Variants in SGCD observed in about 807,000 individuals in gnomAD.
SGCD encodes the protein delta-sarcoglycan.
Under a neutral mutation model 36.6 loss-of-function variants are expected in SGCD, and 18 were observed. The observed-to-expected ratio is 0.49, with a 90% CI of 0.34 to 0.73. The LOEUF is 0.73. SGCD is among the 30% of genes least tolerant of loss of function. The probability of loss-of-function intolerance (pLI) is 0.01; values close to 1 mark genes in which losing one functional copy is unlikely to be tolerated. For synonymous variants in SGCD, 133 were observed against 130.6 expected (o/e 1.02, Z -0.12); for missense variants, 387 against 346.7 (o/e 1.12, Z -0.92).
At chr5:155,870,977 G>T (rs1404549543) in intron 1 of SGCD, among the ~76,000 whole-genome samples, 1 of 152,062 alleles carries the variant, frequency 6.6e-6, no homozygotes, top group Non-Finnish European at 1.5e-5. Context: ...GGGTCGGAAA[G>T]TACATAAATA....
chr5:156,472,632 G>T (rs185611889), intron 3 of SGCD, among the ~76,000 whole-genome samples: 1 of 152,070 alleles, frequency 6.6e-6, no homozygotes, highest in African/African-American at 2.4e-5. Flanking sequence ...TGACCAGGCT[G>T]GTCTCGAACT....
intron 1 of SGCD, among the ~76,000 whole-genome samples, chr5:155,967,757 T>G (rs1206407839): frequency 1.3e-5 from 2 of 152,108 alleles, no homozygotes; most frequent in African/African-American, 2.4e-5. Flanking sequence ...ATGGACGATT[T>G]GCTTTCACTG....
At chr5:156,317,629 C>T (rs1767552598) in intron 3 of SGCD, among the ~76,000 whole-genome samples, 1 of 152,034 alleles carries the variant, frequency 6.6e-6, no homozygotes, top group Admixed American at 6.5e-5. Context: ...AAAATCTTTC[C>T]AAAACCCCAA....
the SGCD span, among the ~76,000 whole-genome samples, chr5:155,749,686 A>G: frequency 6.6e-6 from 1 of 152,250 alleles, no homozygotes; most frequent in East Asian, 1.9e-4. Context: ...AGATTCCTTC[A>G]TTCTTTAATC....
At chr5:156,262,977 A>G (rs571649596) in intron 3 of SGCD, among the ~76,000 whole-genome samples, 5 of 151,708 alleles carry the variant, frequency 3.3e-5, no homozygotes, top group Non-Finnish European at 7.4e-5. Context: ...ATACACTACA[A>G]TTTATTTATC....
At chr5:155,802,620 A>C in the SGCD span, among the ~76,000 whole-genome samples, 1 of 152,168 alleles carries the variant, frequency 6.6e-6, no homozygotes, top group Non-Finnish European at 1.5e-5. Flanking sequence ...GCGTATCTAT[A>C]ATTTTGGTGT....
At chr5:155,981,338 C>G (rs1167290864) in intron 1 of SGCD, among the ~76,000 whole-genome samples, 1 of 152,208 alleles carries the variant, frequency 6.6e-6, no homozygotes, top group African/African-American at 2.4e-5. Context: ...TCAAAATACC[C>G]CAGCAGGTGT....
chr5:156,638,237 G>C (rs924955102), intron 6 of SGCD, among the ~76,000 whole-genome samples: 1 of 151,864 alleles, frequency 6.6e-6, no homozygotes, highest in African/African-American at 2.4e-5. Flanking sequence ...AGGACACAGC[G>C]TATCATGGCT....
chr5:156,585,872 CTTTGTATTTTATCATAG>C (rs2113355726), intron 4 of SGCD, among the ~76,000 whole-genome samples: 2 of 152,196 alleles, frequency 1.3e-5, no homozygotes, highest in African/African-American at 4.8e-5. Context: ...AATAAAAAAA[CTTTGTATTTTATCATAG>C]TTTTATATGT....
chr5:156,655,213 A>T, intron 7 of SGCD, among the ~76,000 whole-genome samples: 1 of 152,152 alleles, frequency 6.6e-6, no homozygotes, highest in African/African-American at 2.4e-5. Flanking sequence ...CATGTTCCTT[A>T]CCTAATCAAA....
intron 1 of SGCD, among the ~76,000 whole-genome samples, chr5:156,073,866 G>C (rs1023430904): frequency 3.9e-5 from 6 of 152,178 alleles, no homozygotes; most frequent in Non-Finnish European, 8.8e-5. Context: ...GTTGCTCAAG[G>C]GCTCTATGAA....
chr5:156,021,214 T>C (rs1048807906), intron 1 of SGCD, among the ~76,000 whole-genome samples: 3 of 152,084 alleles, frequency 2.0e-5, no homozygotes, highest in African/African-American at 7.2e-5. Context: ...AGAAAAGGAG[T>C]TGTGTAGGGG....
At chr5:156,491,722 T>C (rs1755950269) in intron 3 of SGCD, among the ~76,000 whole-genome samples, 1 of 152,208 alleles carries the variant, frequency 6.6e-6, no homozygotes, top group African/African-American at 2.4e-5. Context: ...TCTAATTGGC[T>C]GCAGTAATTG....
intron 7 of SGCD, among the ~76,000 whole-genome samples, chr5:156,662,806 G>A (rs1763984533): frequency 6.6e-6 from 1 of 151,490 alleles, no homozygotes; most frequent in Non-Finnish European, 1.5e-5. Context: ...GAATTCCAAG[G>A]TGAGAACGAA....
At chr5:155,759,641 C>G in the SGCD span, among the ~76,000 whole-genome samples, 10 of 152,272 alleles carry the variant, frequency 6.6e-5, no homozygotes, top group African/African-American at 1.9e-4. Flanking sequence ...CAGCAGTGTG[C>G]ATATTTCACT....
chr5:156,721,277 C>G (rs1340531023), intron 7 of SGCD, among the ~76,000 whole-genome samples: 1 of 151,998 alleles, frequency 6.6e-6, no homozygotes, highest in Non-Finnish European at 1.5e-5. Flanking sequence ...GGCCAGGATA[C>G]TGGTTAAGAT....
intron 3 of SGCD, among the ~76,000 whole-genome samples, chr5:156,294,429 T>C (rs1031981691): frequency 2.6e-5 from 4 of 152,052 alleles, no homozygotes; most frequent in African/African-American, 9.7e-5. Context: ...ACCAAGTCTC[T>C]ATAAAAAGTA....
intron 3 of SGCD, among the ~76,000 whole-genome samples, chr5:156,168,636 T>C (rs890631609): frequency 1.3e-5 from 2 of 152,236 alleles, no homozygotes; most frequent in Non-Finnish European, 2.9e-5. Flanking sequence ...ACCTTGTGTG[T>C]GCTACCAAGA....
chr5:155,978,244 A>T (rs572701821), intron 1 of SGCD, among the ~76,000 whole-genome samples: 1 of 152,262 alleles, frequency 6.6e-6, no homozygotes, highest in Non-Finnish European at 1.5e-5. Context: ...TTTATTTTAC[A>T]TAATCATCAC....
Sources: gnomAD v4.1 joint callset for allele counts (sites outside exome capture counted in the v4.1 genomes callset) on GRCh38, gnomAD v4.1.1 for gene constraint, MANE v1.5 for transcripts, NCBI Gene and HGNC (gene_info 2026-07-23, HGNC 2026-07-21) for gene names.